BAIAP2L1: variants seen among roughly 807,000 people sequenced by gnomAD.
BAIAP2L1 encodes the protein BAR/IMD domain-containing adapter protein 2-like 1.
BAIAP2L1 carries 35 observed loss-of-function variants against 66.3 expected under a neutral mutation model. The ratio of observed to expected loss-of-function variants is 0.53; its 90% CI spans 0.40 to 0.70. The LOEUF is 0.70. BAIAP2L1 is among the 30% of genes least tolerant of loss of function. The probability of loss-of-function intolerance (pLI) is 0.00; values close to 1 mark genes in which losing one functional copy is unlikely to be tolerated. For synonymous variants in BAIAP2L1, 269 were observed against 248.7 expected (o/e 1.08, Z -0.77); for missense variants, 622 against 656.9 (o/e 0.95, Z 0.58).
In BAIAP2L1 at chr7:98,312,601, G is replaced by T. The variant is rs138156197; in HGVS notation, c.640-337C>A. Among the ~76,000 whole-genome samples, 671 of 152,258 alleles carry T rather than the reference G, an allele frequency of 4.4e-3. 7 individuals carry two copies. Among genetic ancestry groups the T allele is most frequent in the African/African-American group, 0.016 (648 of 41,554 alleles). On this transcript the variant is annotated intron_variant, in intron 7 of 13. Coordinates refer to ENST00000005260, the MANE Select transcript of BAIAP2L1 (RefSeq NM_018842.5). ...CTGTATGAATCCCGTTTTCCAGGTG[G>T]CCCCAGAAACGCCAACCATCACTTT...
At chr7:98,304,846 AAAC>A (rs1210102816) in intron 11 of BAIAP2L1, among the ~76,000 whole-genome samples, 3 of 151,140 alleles carry the variant, frequency 2.0e-5, no homozygotes, top group Non-Finnish European at 4.4e-5. Context: ...AGTGGTTTCT[AAAC>A]ATATCCTCAC....
At chr7:98,322,698 CG>C (rs1462125549) in intron 3 of BAIAP2L1, among the ~76,000 whole-genome samples, 1 of 152,118 alleles carries the variant, frequency 6.6e-6, no homozygotes, top group Non-Finnish European at 1.5e-5. Context: ...CGTGGGCTTT[CG>C]AGGAGGTCCT....
chr7:98,349,790 G>C lies in BAIAP2L1; in HGVS notation c.214+5252C>G, dbSNP rs538245271. On this transcript the variant is annotated intron_variant, in intron 3 of 13. Transcript: ENST00000005260. ...TTTGGGAGGCCGATGGGAAGTTTTT[G>C]TTTGTTTGTTTGTTTTCTGACATGG... Among the ~76,000 whole-genome samples the C allele has an allele frequency of 1.3e-4, 20 of 151,616 alleles. No homozygotes were observed. The East Asian group carries it at 3.9e-3, about 30-fold the overall frequency.
chr7:98,341,798 G>A (rs994045726), intron 3 of BAIAP2L1, among the ~76,000 whole-genome samples: 2 of 152,122 alleles, frequency 1.3e-5, no homozygotes, highest in African/African-American at 4.8e-5. Flanking sequence ...AGCAGGTACA[G>A]TGTTCAGTAA....
chr7:98,324,776 A>C (rs1305520032), intron 3 of BAIAP2L1, among the ~76,000 whole-genome samples: 2 of 152,132 alleles, frequency 1.3e-5, no homozygotes, highest in Non-Finnish European at 2.9e-5. Flanking sequence ...TGTCTCCAAA[A>C]AGAAAAATAA....
At chr7:98,367,552 G>T (rs34472020) in intron 1 of BAIAP2L1, among the ~76,000 whole-genome samples, 52,077 of 92,548 alleles carry the variant, frequency 0.56, 11,412 homozygotes, top group Middle Eastern at 0.69. Flanking sequence ...TTTTTTTTTT[G>T]TGAGACGGAG....
intron 12 of BAIAP2L1, among the ~76,000 whole-genome samples, chr7:98,303,383 C>T (rs1800505623): frequency 1.3e-5 from 2 of 152,218 alleles, no homozygotes; most frequent in African/African-American, 2.4e-5. Context: ...GCCTCCTCCC[C>T]TTCACCCACA....
intron 1 of BAIAP2L1, among the ~76,000 whole-genome samples, chr7:98,367,743 A>C (rs980622640): frequency 4.6e-5 from 7 of 151,898 alleles, no homozygotes; most frequent in African/African-American, 1.7e-4. Flanking sequence ...ACTGTTAGCC[A>C]GGATGGTCTC....
chr7:98,370,031 G>C (rs577557204), intron 1 of BAIAP2L1, among the ~76,000 whole-genome samples: 2 of 151,466 alleles, frequency 1.3e-5, no homozygotes, highest in East Asian at 1.9e-4. Context: ...AAAATACGAA[G>C]AACAACAAAT....
At position 98,380,510 on chromosome 7, in the gene BAIAP2L1, G is replaced by T. The variant is rs61400123; in HGVS notation, c.52-18078C>A. On this transcript the variant is annotated intron_variant, in intron 1 of 13. Transcript: ENST00000005260. Reference sequence around the variant, plus strand: ...TGTGAGACTTATTCACTACCATAAGGACAGTATGGTGGAAACCGCCCCCAT... The same window carrying T: ...TGTGAGACTTATTCACTACCATAAGTACAGTATGGTGGAAACCGCCCCCAT... 2.6e-5 allele frequency among the ~76,000 whole-genome samples: 4 copies of T among 151,942 alleles called. No individual in the cohort carries two copies. In the East Asian group the frequency reaches 7.7e-4, roughly 29 times the overall value.
intron 1 of BAIAP2L1, among the ~76,000 whole-genome samples, chr7:98,377,898 C>G (rs767680983): frequency 1.4e-5 from 2 of 144,666 alleles, no homozygotes; most frequent in African/African-American, 2.6e-5. Flanking sequence ...GAGGCCGAGA[C>G]GGGCGGATCA....
At chr7:98,301,279 G>A (rs971125539) in intron 12 of BAIAP2L1, among the ~76,000 whole-genome samples, 2 of 152,176 alleles carry the variant, frequency 1.3e-5, no homozygotes, top group South Asian at 2.1e-4. Flanking sequence ...CCTTCTCATC[G>A]ATTTCAGTGA....
intron 3 of BAIAP2L1, among the ~76,000 whole-genome samples, chr7:98,349,070 G>A (rs1291552137): frequency 6.6e-6 from 1 of 152,250 alleles, no homozygotes; most frequent in Non-Finnish European, 1.5e-5. Context: ...CACCCCCACA[G>A]TCCATGCTCT....
chr7:98,328,946 T>TG (rs1801436036), intron 3 of BAIAP2L1, among the ~76,000 whole-genome samples: 5 of 152,302 alleles, frequency 3.3e-5, no homozygotes, highest in Admixed American at 2.6e-4. Flanking sequence ...TAAGGGAACA[T>TG]ACCTGTAGAG....
chr7:98,299,810 G>A (rs1800346359), intron 12 of BAIAP2L1, among the ~76,000 whole-genome samples: 1 of 152,264 alleles, frequency 6.6e-6, no homozygotes, highest in African/African-American at 2.4e-5. Context: ...GGAGGCTGAG[G>A]CGGGAGGATC....
At position 98,301,462 on chromosome 7, in the gene BAIAP2L1, CT is replaced by C. The variant is rs61208842; in HGVS notation, c.1422+2733del. On this transcript the variant is annotated intron_variant, in intron 12 of 13. Coordinates refer to ENST00000005260, the MANE Select transcript of BAIAP2L1 (RefSeq NM_018842.5). ...AAATGAAAGCCTGAAAGCCTTCTAGCTTTTTTTTTTTGGTATATATATATAT... is the reference window on the plus strand; with the variant it reads ...AAATGAAAGCCTGAAAGCCTTCTAGCTTTTTTTTTTGGTATATATATATAT... Among the ~76,000 whole-genome samples, 663 of 130,472 alleles carry C rather than the reference CT, an allele frequency of 5.1e-3. 3 individuals carry two copies. Among genetic ancestry groups the C allele is most frequent in the African/African-American group, 0.013 (458 of 36,512 alleles). The allele number at this position is 130,472 out of a possible 152,430, so 85.6% of individuals were successfully genotyped here.
rs1158561854 is a variant in BAIAP2L1 at position 98,363,265 on chromosome 7, C to G, written c.52-833G>C. Among the ~76,000 whole-genome samples the G allele has an allele frequency of 4.6e-5, 7 of 152,008 alleles. No individual in the cohort carries two copies. In the East Asian group the frequency reaches 1.4e-3, roughly 29 times the overall value. On this transcript the variant is annotated intron_variant, in intron 1 of 13. Coordinates refer to ENST00000005260, the MANE Select transcript of BAIAP2L1 (RefSeq NM_018842.5). ...GGCCAGGCTGGTCTCGAACTCCTGA[C>G]CTCAGGTTATCCGCGTACCTTGGCC... is the stretch of plus-strand genomic sequence containing the variant.
chr7:98,307,949 G>C (rs917063694), intron 9 of BAIAP2L1, 53 bp from the exon 10 acceptor site: 8 of 1,534,560 alleles, frequency 5.2e-6, no homozygotes, highest in African/African-American at 1.4e-5. Flanking sequence ...GAATCAATAG[G>C]CACATTCCAA....
intron 13 of BAIAP2L1, 107 bp from the exon 14 acceptor site, chr7:98,293,703 A>C: frequency 9.3e-7 from 1 of 1,080,838 alleles, no homozygotes; most frequent in Admixed American, 1.8e-5. Context: ...GCGGCTGACC[A>C]CCTCCCCAGC....
Sources: allele counts gnomAD v4.1 joint callset (sites outside exome capture counted in the v4.1 genomes callset), GRCh38; gene constraint gnomAD v4.1.1; transcripts MANE v1.5; gene names NCBI Gene and HGNC (gene_info 2026-07-23, HGNC 2026-07-21).